The following SV2B variants were observed in gnomAD, a reference collection of about 807,000 sequenced individuals.
The protein encoded by SV2B is synaptic vesicle glycoprotein 2B.
Under a neutral mutation model 73.9 loss-of-function variants are expected in SV2B, and 41 were observed. The observed-to-expected ratio is 0.56, with a 90% CI of 0.43 to 0.72. The LOEUF (loss-of-function observed/expected upper bound fraction) is 0.72. Ranked by LOEUF, SV2B falls within the 30% of genes least tolerant of loss-of-function variation. The pLI, the probability that SV2B is intolerant of heterozygous loss-of-function variation, is 0.00. For synonymous variants in SV2B, 314 were observed against 314.2 expected (o/e 1.00, Z 0.01); for missense variants, 764 against 857.8 (o/e 0.89, Z 1.37).
intron 6 of SV2B, among the ~76,000 whole-genome samples, chr15:91,263,567 CACACAG>C (rs1050468813): frequency 4.4e-4 from 67 of 151,628 alleles, no homozygotes; most frequent in South Asian, 1.5e-3. Context: ...CACAGAGACA[CACACAG>C]ACACAGACAC....
chr15:91,167,876 G>A (rs1349358977), intron 1 of SV2B, among the ~76,000 whole-genome samples: 1 of 152,090 alleles, frequency 6.6e-6, no homozygotes, highest in African/African-American at 2.4e-5. Context: ...TTTTGAAAGT[G>A]GGTAATCAAC....
intron 1 of SV2B, among the ~76,000 whole-genome samples, chr15:91,189,901 T>C (rs1001587430): frequency 2.0e-5 from 3 of 151,968 alleles, no homozygotes; most frequent in Admixed American, 1.3e-4. Flanking sequence ...GGCAGGAGAA[T>C]GGCATGAACC....
intron 1 of SV2B, among the ~76,000 whole-genome samples, chr15:91,151,718 T>C (rs1290518056): frequency 2.0e-5 from 3 of 152,216 alleles, no homozygotes; most frequent in Non-Finnish European, 4.4e-5. Flanking sequence ...AAGGTAAATG[T>C]GAGTGTTTTC....
chr15:91,239,183 G>T lies in SV2B; in HGVS notation c.451+12469G>T, dbSNP rs543489264. On this transcript the variant is annotated intron_variant, in intron 2 of 12. Coordinates refer to ENST00000394232, the MANE Select transcript of SV2B (RefSeq NM_001323032.3). This position sits in a 1 kb window ranked among gnomAD's most constrained non-coding sequence, Gnocchi z 5.1. ...GCTGGATGTGAACATCCTCTTCTCC[G>T]TGTGGGCTGGCCTGGCTGCTTGAAT... 1.3e-5 allele frequency among the ~76,000 whole-genome samples: 2 copies of T among 152,264 alleles called. No individual in the cohort carries two copies. Among genetic ancestry groups the T allele is most frequent in the South Asian group, 2.1e-4 (1 of 4,814 alleles).
At chr15:91,188,241 C>T (rs1447051663) in intron 1 of SV2B, among the ~76,000 whole-genome samples, 1 of 152,016 alleles carries the variant, frequency 6.6e-6, no homozygotes, top group African/African-American at 2.4e-5. Flanking sequence ...TGCTTACCCT[C>T]TCCAGTCCAG....
chr15:91,276,976 A>C (rs1401998286), intron 9 of SV2B, among the ~76,000 whole-genome samples: 1 of 151,954 alleles, frequency 6.6e-6, no homozygotes, highest in African/African-American at 2.4e-5. Context: ...ATGCAACACC[A>C]CACCTGGCTA....
chr15:91,142,719 A>G (rs1159195937), intron 1 of SV2B, among the ~76,000 whole-genome samples: 4 of 152,228 alleles, frequency 2.6e-5, no homozygotes, highest in African/African-American at 9.6e-5. Context: ...CCACTCAGAC[A>G]GTAAATAGAA....
rs956799194 is a variant in SV2B, at chr15:91,220,789, T to A, written c.-391-5084T>A. Among the ~76,000 whole-genome samples the A allele has an allele frequency of 6.6e-6, 1 of 152,236 alleles. No individual in the cohort carries two copies. Among genetic ancestry groups the A allele is most frequent in the African/African-American group, 2.4e-5 (1 of 41,460 alleles). On this transcript the variant is annotated intron_variant, in intron 1 of 12. Coordinates refer to ENST00000394232, the MANE Select transcript of SV2B (RefSeq NM_001323032.3). This position sits in a 1 kb window ranked among gnomAD's most constrained non-coding sequence, Gnocchi z 4.1. ...TGGGGCATGAGGCTAGGCTCAAGCT[T>A]AGAACTTGGCTACATTTTAATTGTC...
chr15:91,187,038 T>G (rs2044799660), intron 1 of SV2B, among the ~76,000 whole-genome samples: 1 of 152,224 alleles, frequency 6.6e-6, no homozygotes, highest in African/African-American at 2.4e-5. Flanking sequence ...CATGCTCCAT[T>G]CTTATCATCA....
chr15:91,108,852 C>A (rs2041960664), intron 1 of SV2B, among the ~76,000 whole-genome samples: 1 of 152,210 alleles, frequency 6.6e-6, no homozygotes, highest in Non-Finnish European at 1.5e-5. Flanking sequence ...CAACAAAGAC[C>A]CACACCTGGG....
intron 1 of SV2B, among the ~76,000 whole-genome samples, chr15:91,161,835 C>G (rs1183952034): frequency 6.6e-6 from 1 of 152,154 alleles, no homozygotes; most frequent in Admixed American, 6.6e-5. Context: ...TACTTTGTCC[C>G]CTGTGTATAC....
At chr15:91,256,612 G>C (rs1305650579) in intron 4 of SV2B, among the ~76,000 whole-genome samples, 3 of 152,118 alleles carry the variant, frequency 2.0e-5, no homozygotes, top group Admixed American at 6.5e-5. Context: ...AGAAAGGAAA[G>C]GCTTTTTAAT....
rs929913661 is a variant in SV2B, at chr15:91,110,320, G to A, written c.-392+9957G>A. ...ATGTTAAGTTTGTATGAGAGGCCAAGAGAGAACAGGAAAACGGGGTGTGGG... is the reference window on the plus strand; with the variant it reads ...ATGTTAAGTTTGTATGAGAGGCCAAAAGAGAACAGGAAAACGGGGTGTGGG... On this transcript the variant is annotated intron_variant, in intron 1 of 12. Coordinates refer to ENST00000394232, the MANE Select transcript of SV2B (RefSeq NM_001323032.3). The surrounding 1 kb of genome is among the most constrained non-coding windows in gnomAD (Gnocchi z 5.4). 1.3e-5 allele frequency among the ~76,000 whole-genome samples: 2 copies of A among 152,214 alleles called. No individual in the cohort carries two copies. The highest frequency in any genetic ancestry group is 4.8e-5 in the African/African-American group (2 of 41,452).
Position 91,236,037 on chromosome 15 carries a change from C to A in SV2B, c.451+9323C>A, listed in dbSNP as rs1298979500. Among the ~76,000 whole-genome samples the A allele has an allele frequency of 6.6e-6, 1 of 152,166 alleles. No homozygotes were observed. Among genetic ancestry groups the A allele is most frequent in the Non-Finnish European group, 1.5e-5 (1 of 68,024 alleles). ...GATCTGCACACAGTAGGTGCTTAGT[C>A]AGTACTCATCCTGCTCCCCTGATCC... On this transcript the variant is annotated intron_variant, in intron 2 of 12. Coordinates refer to ENST00000394232, the MANE Select transcript of SV2B (RefSeq NM_001323032.3). The surrounding 1 kb of genome is among the most constrained non-coding windows in gnomAD (Gnocchi z 4.1).
intron 1 of SV2B, among the ~76,000 whole-genome samples, chr15:91,183,232 G>A (rs1261469642): frequency 2.0e-5 from 3 of 152,186 alleles, no homozygotes; most frequent in Non-Finnish European, 2.9e-5. Context: ...ATGGAATCTA[G>A]ATTACATACA....
intron 6 of SV2B, among the ~76,000 whole-genome samples, chr15:91,266,091 C>T (rs139367788): frequency 2.4e-3 from 370 of 152,218 alleles, no homozygotes; most frequent in African/African-American, 8.2e-3. Context: ...TGCAGTGAGC[C>T]GAGATCGTGC....
At position 91,115,537 on chromosome 15, in the gene SV2B, AT is replaced by A. The variant is rs55894252; in HGVS notation, c.-392+15185del. On this transcript the variant is annotated intron_variant, in intron 1 of 12. Transcript: ENST00000394232. This position sits in a 1 kb window ranked among gnomAD's most constrained non-coding sequence, Gnocchi z 4.3. ...CAGGCACCCACCATCATGCCTGGCT[AT>A]TTTTTTTTTTGTATTTTTAGTAGAG... is the stretch of plus-strand genomic sequence containing the variant. Among the ~76,000 whole-genome samples, 1,008 of 144,464 alleles carry A rather than the reference AT, an allele frequency of 7.0e-3. 7 individuals are homozygous for A. The highest frequency in any genetic ancestry group is 0.016 in the East Asian group (81 of 5,004). 94.8% of individuals were successfully genotyped at this position (144,464 alleles called of 152,430 possible). A position where few individuals can be genotyped will look rare whatever the true frequency, so the allele number is the denominator to read the frequency against.
At chr15:91,199,158 C>A (rs897378518) in intron 1 of SV2B, among the ~76,000 whole-genome samples, 5 of 151,972 alleles carry the variant, frequency 3.3e-5, no homozygotes, top group African/African-American at 1.2e-4. Context: ...TGCTACAATG[C>A]CCAGCTCTAT....
Position 91,279,011 on chromosome 15 carries a change from A to G in SV2B, c.1374-2717A>G, listed in dbSNP as rs1435161414. Among the ~76,000 whole-genome samples, 5 of 152,198 alleles carry G rather than the reference A, an allele frequency of 3.3e-5. No homozygotes were observed. In the East Asian group the frequency reaches 7.7e-4, roughly 23 times the overall value. ...GAATTCTCTGCTTTCAAAAAAGGCA[A>G]TTGAAGAGTATATATGACATGCATC... On this transcript the variant is annotated intron_variant, in intron 9 of 12. Coordinates refer to ENST00000394232, the MANE Select transcript of SV2B (RefSeq NM_001323032.3).
Sources: gnomAD v4.1 joint callset for allele counts (sites outside exome capture counted in the v4.1 genomes callset) on GRCh38, gnomAD v4.1.1 for gene constraint, Gnocchi (gnomAD v3.1) non-coding constraint, MANE v1.5 for transcripts, NCBI Gene and HGNC (gene_info 2026-07-23, HGNC 2026-07-21) for gene names.